CLINT1: variants seen among roughly 807,000 people sequenced by gnomAD.
CLINT1 encodes the protein clathrin interacting protein localized in the trans-Golgi region.
A neutral mutation model predicts 70.4 loss-of-function variants in CLINT1; 15 were observed. The ratio of observed to expected loss-of-function variants is 0.21; its 90% CI spans 0.14 to 0.33. The LOEUF is 0.33. CLINT1 is among the 10% of genes least tolerant of loss of function. CLINT1 has a pLI of 1.00. For synonymous variants in CLINT1, 227 were observed against 254.7 expected, an observed-to-expected ratio of 0.89 and a Z score of 1.04; for missense variants, 615 against 778.1, an observed-to-expected ratio of 0.79 and a Z score of 2.49.
intron 1 of CLINT1, among the ~76,000 whole-genome samples, chr5:157,824,990 T>C (rs1762992261): frequency 6.6e-6 from 1 of 152,106 alleles, no homozygotes; most frequent in Non-Finnish European, 1.5e-5. Context: ...AAATATTAAA[T>C]ACAAATCATC....
intron 1 of CLINT1, among the ~76,000 whole-genome samples, chr5:157,829,808 G>C (rs1283312581): frequency 6.7e-6 from 1 of 150,114 alleles, no homozygotes; most frequent in South Asian, 2.1e-4. Context: ...CTCCCAAAGT[G>C]CTGGGACTAC....
At chr5:157,833,212 G>T (rs753462229) in intron 1 of CLINT1, among the ~76,000 whole-genome samples, 1 of 152,046 alleles carries the variant, frequency 6.6e-6, no homozygotes, top group East Asian at 1.9e-4. Flanking sequence ...TTAGCCCGGC[G>T]TGGTGGCACA....
intron 1 of CLINT1, among the ~76,000 whole-genome samples, chr5:157,834,651 A>C (rs369407006): frequency 3.3e-5 from 5 of 152,044 alleles, no homozygotes; most frequent in East Asian, 3.9e-4. Flanking sequence ...TTACTTTCTT[A>C]TCTCAGTGAC....
chr5:157,825,718 T>A (rs555871626), intron 1 of CLINT1, among the ~76,000 whole-genome samples: 101 of 152,286 alleles, frequency 6.6e-4, no homozygotes, highest in South Asian at 1.2e-3. Flanking sequence ...TAACTATTTT[T>A]AAAATTATAA....
intron 1 of CLINT1, among the ~76,000 whole-genome samples, chr5:157,830,757 C>CCTCTCTCTCTCT (rs373819711): frequency 6.9e-5 from 6 of 87,402 alleles, no homozygotes; most frequent in Middle Eastern, 6.6e-3. Context: ...CCTCTCTCTC[C>CCTCTCTCTCTCT]CTCTCTCTCT....
At position 157,821,884 on chromosome 5, in the gene CLINT1, T is replaced by C. The variant is rs1762888892; in HGVS notation, c.42-4337A>G. Among the ~76,000 whole-genome samples, 3 of 152,230 alleles carry C rather than the reference T, an allele frequency of 2.0e-5. No individual in the cohort carries two copies. The South Asian group carries it at 6.2e-4, about 32-fold the overall frequency. ...AAATCCATAGACACAATCATTATTGTTTATGAAACTGTTTGTTGTTTCCAA... is the reference window on the plus strand; with the variant it reads ...AAATCCATAGACACAATCATTATTGCTTATGAAACTGTTTGTTGTTTCCAA... On this transcript the variant is annotated intron_variant, in intron 1 of 11. Coordinates refer to ENST00000411809, the MANE Select transcript of CLINT1 (RefSeq NM_014666.4).
At chr5:157,802,672 A>G (rs1762264271) in intron 8 of CLINT1, among the ~76,000 whole-genome samples, 2 of 151,616 alleles carry the variant, frequency 1.3e-5, no homozygotes, top group Admixed American at 1.3e-4. Context: ...CAGCCTCCCG[A>G]GTAGCTGGGA....
chr5:157,836,205 C>A (rs1763417052), intron 1 of CLINT1, among the ~76,000 whole-genome samples: 1 of 152,188 alleles, frequency 6.6e-6, no homozygotes, highest in African/African-American at 2.4e-5. Context: ...CTCTAATGGG[C>A]CAGGCATTGT....
intron 6 of CLINT1, among the ~76,000 whole-genome samples, chr5:157,807,396 G>A (rs1762420552): frequency 6.6e-6 from 1 of 151,990 alleles, no homozygotes; most frequent in Non-Finnish European, 1.5e-5. Flanking sequence ...TTTTATTTCA[G>A]CGCAAAATAA....
rs570507049 is a variant in CLINT1, at chr5:157,787,386, C to T, written c.*260G>A. 1.4e-5 allele frequency: 7 copies of T among 487,798 alleles called. No individual in the cohort carries two copies. The Admixed American group carries it at 2.6e-4, about 18-fold the overall frequency. 30.2% of individuals were successfully genotyped at this position (487,798 alleles called of 1,614,324 possible). ...AAATGGACTCTTCAGTTGATAAAGG[C>T]TTTCAATGGTCTCACCACCCACTTG... On this transcript the variant is annotated 3_prime_UTR_variant, in exon 12 of 12. Coordinates refer to ENST00000411809, the MANE Select transcript of CLINT1 (RefSeq NM_014666.4).
At chr5:157,835,546 C>T (rs910445669) in intron 1 of CLINT1, among the ~76,000 whole-genome samples, 9 of 151,986 alleles carry the variant, frequency 5.9e-5, no homozygotes, top group Non-Finnish European at 1.2e-4. Context: ...TTTTCTTTCC[C>T]TCTCGGTGCC....
intron 9 of CLINT1, among the ~76,000 whole-genome samples, chr5:157,793,228 T>A (rs1399197968): frequency 2.0e-5 from 3 of 150,196 alleles, no homozygotes; most frequent in Non-Finnish European, 4.4e-5. Context: ...TTTTTTTTTT[T>A]AAGTGACTGC....
intron 1 of CLINT1, among the ~76,000 whole-genome samples, chr5:157,833,223 T>C (rs1233385429): frequency 1.3e-5 from 2 of 151,984 alleles, no homozygotes; most frequent in Admixed American, 6.6e-5. Flanking sequence ...TGGTGGCACA[T>C]GACTGTAATC....
rs1010058610 is a variant in CLINT1 at position 157,785,974 on chromosome 5, G to A, written c.*1672C>T. ...TTGAATTGTTGAAAGATTAAAAACC[G>A]CAGTCAGCTAATTACACTCACTCTC... is the stretch of plus-strand genomic sequence containing the variant. On this transcript the variant is annotated 3_prime_UTR_variant, in exon 12 of 12. Coordinates refer to ENST00000411809, the MANE Select transcript of CLINT1 (RefSeq NM_014666.4). 50 of 152,198 alleles carry A rather than the reference G, an allele frequency of 3.3e-4. No homozygotes were observed. Among genetic ancestry groups the A allele is most frequent in the African/African-American group, 1.1e-3 (45 of 41,526 alleles). 9.4% of individuals were successfully genotyped at this position (152,198 alleles called of 1,614,324 possible).
chr5:157,858,385 C>T (rs1753822824), intron 1 of CLINT1, among the ~76,000 whole-genome samples: 1 of 152,208 alleles, frequency 6.6e-6, no homozygotes, highest in South Asian at 2.1e-4. Flanking sequence ...CCACAATAGC[C>T]ACTTGTTACA....
At chr5:157,788,347 T>C (rs1487041476) in intron 11 of CLINT1, among the ~76,000 whole-genome samples, 1 of 151,332 alleles carries the variant, frequency 6.6e-6, no homozygotes, top group Admixed American at 6.6e-5. Context: ...ACTTATTCTA[T>C]TTTTAGAACA....
At chr5:157,791,656 T>C (rs1230900542) in intron 10 of CLINT1, 47 bp downstream of exon 10, 2 of 1,512,092 alleles carry the variant, frequency 1.3e-6, no homozygotes, top group Non-Finnish European at 1.8e-6. Context: ...AGTTAGAGCA[T>C]CTCAAAGATT....
At chr5:157,789,337 A>C in intron 11 of CLINT1, 26 bp downstream of exon 11, 1 of 1,599,704 alleles carries the variant, frequency 6.3e-7, no homozygotes, top group South Asian at 1.1e-5. Flanking sequence ...GTACACAAAG[A>C]AGTGGGACGT....
At position 157,813,187 on chromosome 5, in the gene CLINT1, C is replaced by G; in HGVS notation, c.393G>C (p.Lys131Asn). 1 of 1,613,608 alleles carries G rather than the reference C, an allele frequency of 6.2e-7. No homozygotes were observed. The highest frequency in any genetic ancestry group is 1.1e-5 in the South Asian group (1 of 91,064). The change falls in exon 5 of 12, where the codon AAG (lysine) becomes AAC (asparagine). Residue 131 changes from lysine to asparagine, a missense_variant. Around this residue, in one of 2 missense-constraint regions of CLINT1, gnomAD observed 241 missense variants for 368.6 expected, o/e 0.65. Transcript: ENST00000411809. Reference sequence around the variant, plus strand: ...GGGCAAATTCAACCAATTCCTTCACCTTCTGTCGAATATTTATACCTTGAT... The same window carrying G: ...GGGCAAATTCAACCAATTCCTTCACGTTCTGTCGAATATTTATACCTTGAT... ...GKDQGINIRQ[K>N]VKELVEFAQD... is the part of the protein sequence containing the mutation.
Sources: gnomAD v4.1 joint callset for allele counts (sites outside exome capture counted in the v4.1 genomes callset) on GRCh38, gnomAD v4.1.1 for gene constraint, gnomAD v4.1.1 regional missense constraint, MANE v1.5 for transcripts, NCBI Gene and HGNC (gene_info 2026-07-23, HGNC 2026-07-21) for gene names.